Variants in CEP112 observed in about 807,000 individuals in gnomAD.
The protein encoded by CEP112 is centrosomal protein 112, also known as centrosomal protein of 112 kDa.
CEP112 carries 127 observed loss-of-function variants against 153.0 expected under a neutral mutation model. The observed-to-expected ratio is 0.83, with a 90% CI of 0.72 to 0.96. The LOEUF is 0.96. Ranked by LOEUF, CEP112 falls within the 40% of genes least tolerant of loss-of-function variation. The probability of loss-of-function intolerance (pLI) is 0.00; values close to 1 mark genes in which losing one functional copy is unlikely to be tolerated. For synonymous variants in CEP112, 358 were observed against 374.4 expected, an observed-to-expected ratio of 0.96 and a Z score of 0.51; for missense variants, 1,089 against 1,101.2, an observed-to-expected ratio of 0.99 and a Z score of 0.16.
chr17:65,743,881 C>G (rs992761091), intron 22 of CEP112, among the ~76,000 whole-genome samples: 3 of 151,904 alleles, frequency 2.0e-5, no homozygotes, highest in South Asian at 2.1e-4. Flanking sequence ...CCTGCTTCAG[C>G]CTCCCGAGTA....
chr17:65,845,994 C>T (rs537843035), intron 21 of CEP112, among the ~76,000 whole-genome samples: 1 of 152,274 alleles, frequency 6.6e-6, no homozygotes, highest in Admixed American at 6.5e-5. Context: ...GTAAGTGCTA[C>T]TGAAACAACA....
intron 20 of CEP112, among the ~76,000 whole-genome samples, chr17:65,882,655 G>A (rs1460066830): frequency 6.6e-6 from 1 of 152,154 alleles, no homozygotes; most frequent in Admixed American, 6.5e-5. Flanking sequence ...ACAACATATA[G>A]TCCCTCCTCT....
At chr17:65,989,831 G>A (rs1477966519) in intron 17 of CEP112, among the ~76,000 whole-genome samples, 1 of 152,088 alleles carries the variant, frequency 6.6e-6, no homozygotes, top group Non-Finnish European at 1.5e-5. Context: ...TTAAGAGACG[G>A]GCAATATAAA....
chr17:66,152,842 G>GT (rs1180466031), intron 4 of CEP112, among the ~76,000 whole-genome samples: 1 of 152,106 alleles, frequency 6.6e-6, no homozygotes, highest in Non-Finnish European at 1.5e-5. Context: ...TTGGCCCATT[G>GT]TATGTTGGGT....
chr17:65,687,905 A>G (rs2047899840), intron 24 of CEP112, among the ~76,000 whole-genome samples: 2 of 152,192 alleles, frequency 1.3e-5, no homozygotes, highest in Admixed American at 1.3e-4. Context: ...GTCAATTCCT[A>G]TGACTGTTTC....
At chr17:65,674,952 T>A (rs1365652311) in intron 24 of CEP112, among the ~76,000 whole-genome samples, 1 of 152,046 alleles carries the variant, frequency 6.6e-6, no homozygotes, top group Non-Finnish European at 1.5e-5. Context: ...TCCAACAGAA[T>A]AAGAAAAATG....
intron 8 of CEP112, among the ~76,000 whole-genome samples, chr17:66,095,912 CA>C (rs900145148): frequency 3.6e-4 from 52 of 145,642 alleles, no homozygotes; most frequent in Admixed American, 4.8e-4. Flanking sequence ...CCATCTCTAC[CA>C]AAAAAAAAAA....
intron 21 of CEP112, among the ~76,000 whole-genome samples, chr17:65,773,652 G>A (rs1279189055): frequency 6.6e-6 from 1 of 150,508 alleles, no homozygotes; most frequent in East Asian, 1.9e-4. Flanking sequence ...ATCTATCACC[G>A]CATGTAGCTA....
chr17:66,130,792 A>AAAC (rs2070123869), intron 5 of CEP112, among the ~76,000 whole-genome samples: 1 of 151,558 alleles, frequency 6.6e-6, no homozygotes, highest in Non-Finnish European at 1.5e-5. Context: ...AAAAAAAAAA[A>AAAC]ACACACACAA....
intron 23 of CEP112, among the ~76,000 whole-genome samples, chr17:65,691,335 C>A (rs2048096238): frequency 6.6e-6 from 1 of 152,100 alleles, no homozygotes; most frequent in Non-Finnish European, 1.5e-5. Context: ...TGGTTCTTAA[C>A]CTTTTGGGAG....
chr17:65,823,145 A>C (rs777367969), intron 21 of CEP112, among the ~76,000 whole-genome samples: 9 of 152,126 alleles, frequency 5.9e-5, no homozygotes, highest in Non-Finnish European at 1.0e-4. Context: ...GATTAAACAC[A>C]AATTTAAAAA....
intron 17 of CEP112, among the ~76,000 whole-genome samples, chr17:65,986,348 C>T (rs1394828687): frequency 6.6e-6 from 1 of 152,060 alleles, no homozygotes; most frequent in Non-Finnish European, 1.5e-5. Context: ...GAAACAGAAC[C>T]TAAGAAAAAT....
intron 4 of CEP112, among the ~76,000 whole-genome samples, chr17:66,149,782 T>G (rs1341862100): frequency 1.3e-5 from 2 of 151,638 alleles, no homozygotes; most frequent in Non-Finnish European, 2.9e-5. Context: ...CTCTACTGTT[T>G]TTCTGTTTCA....
At chr17:65,945,655 A>AT (rs994987034) in intron 18 of CEP112, among the ~76,000 whole-genome samples, 7 of 150,994 alleles carry the variant, frequency 4.6e-5, no homozygotes, top group African/African-American at 9.7e-5. Flanking sequence ...CTTTTTATTT[A>AT]TTTTTTTTGA....
chr17:65,798,433 T>C (rs2055065084), intron 21 of CEP112, among the ~76,000 whole-genome samples: 1 of 152,192 alleles, frequency 6.6e-6, no homozygotes. Flanking sequence ...TGCATCATAA[T>C]CTGGTTCCCC....
In CEP112 at chr17:65,692,322, G is replaced by A. The variant is rs138609385; in HGVS notation, c.2608-3104C>T. ...CGACTCATTGCGACCTCCACCTCCC[G>A]GGTTCAAGCGATTCTCCTGCCTCAG... On this transcript the variant is annotated intron_variant, in intron 23 of 26. Coordinates refer to ENST00000535342, the MANE Select transcript of CEP112 (RefSeq NM_001199165.4). 2.4e-3 allele frequency among the ~76,000 whole-genome samples: 351 copies of A among 148,736 alleles called. 8 individuals carry two copies. In the East Asian group the frequency reaches 0.063, roughly 27 times the overall value.
intron 21 of CEP112, among the ~76,000 whole-genome samples, chr17:65,850,551 C>T (rs939912826): frequency 1.3e-5 from 2 of 152,152 alleles, no homozygotes; most frequent in Admixed American, 6.5e-5. Flanking sequence ...TTTGCAACAG[C>T]GTTTTAACTG....
Position 66,183,318 on chromosome 17 carries a change from T to C in CEP112, c.-8-11A>G. Reference sequence around the variant, plus strand: ...CTTCCATAATCCAATCTGTAAAAGATTTTAAATCAAAATATTAAGGATTTG... The same window carrying C: ...CTTCCATAATCCAATCTGTAAAAGACTTTAAATCAAAATATTAAGGATTTG... On this transcript the variant is annotated splice_polypyrimidine_tract_variant and intron_variant, in intron 1 of 26. Coordinates refer to ENST00000535342, the MANE Select transcript of CEP112 (RefSeq NM_001199165.4). 2 of 1,547,310 alleles carry C rather than the reference T, an allele frequency of 1.3e-6. No individual in the cohort carries two copies. The highest frequency in any genetic ancestry group is 1.8e-6 in the Non-Finnish European group (2 of 1,129,490).
At chr17:65,997,406 C>T (rs2063829763) in intron 17 of CEP112, among the ~76,000 whole-genome samples, 1 of 152,120 alleles carries the variant, frequency 6.6e-6, no homozygotes, top group South Asian at 2.1e-4. Flanking sequence ...ATGAAATACA[C>T]AGAAGGCTGT....
Sources: gnomAD v4.1 joint callset for allele counts (sites outside exome capture counted in the v4.1 genomes callset) on GRCh38, gnomAD v4.1.1 for gene constraint, MANE v1.5 for transcripts, NCBI Gene and HGNC (gene_info 2026-07-23, HGNC 2026-07-21) for gene names.